The following INTS10 variants were observed in gnomAD, a reference collection of about 807,000 sequenced individuals.
INTS10 encodes the protein integrator complex subunit 10.
A neutral mutation model predicts 94.4 loss-of-function variants in INTS10; 44 were observed. The ratio of observed to expected loss-of-function variants is 0.47; its 90% confidence interval spans 0.37 to 0.60. The LOEUF (loss-of-function observed/expected upper bound fraction) is 0.60. Ranked by LOEUF, INTS10 falls within the 20% of genes least tolerant of loss-of-function variation. INTS10 has a pLI of 0.00. For synonymous variants in INTS10, 341 were observed against 320.7 expected (o/e 1.06, Z -0.68); for missense variants, 797 against 868.7 (o/e 0.92, Z 1.04).
chr8:19,822,449 G>A lies in INTS10; in HGVS notation c.452G>A (p.Gly151Glu). 1 of 1,607,550 alleles carries A rather than the reference G, an allele frequency of 6.2e-7. No homozygotes were observed. The change falls in exon 5 of 17, where the codon GGG becomes GAG. Residue 151 changes from glycine to glutamate, a missense_variant. This residue lies in a region of INTS10 where 734 missense variants were observed against 787.8 expected (regional missense o/e 0.93). Transcript: ENST00000397977. ...ETVVQHGVGL[G>E]EALLEAETIE... ...TTTGTTTTGAAATAGGTTGGCCTTG[G>A]GGAGGCACTATTAGAGGCTGAAACT...
chr8:19,845,526 G>C (rs2068501565), intron 15 of INTS10, 178 bp from the exon 16 acceptor site: 1 of 599,994 alleles, frequency 1.7e-6, no homozygotes, highest in African/African-American at 1.9e-5. Context: ...TGCAGTTAGT[G>C]GGGTAGCAAT....
At chr8:19,840,957 C>A (rs1301691862) in intron 13 of INTS10, among the ~76,000 whole-genome samples, 1 of 152,184 alleles carries the variant, frequency 6.6e-6, no homozygotes, top group Non-Finnish European at 1.5e-5. Flanking sequence ...GGCTGCATGA[C>A]TTTATATACC....
intron 11 of INTS10, 64 bp from the exon 12 acceptor site, chr8:19,833,105 A>AT (rs1402279530): frequency 7.1e-7 from 1 of 1,403,296 alleles, no homozygotes; most frequent in Non-Finnish European, 9.5e-7. Flanking sequence ...CTGGAACGGT[A>AT]TTTTTTAAAT....
chr8:19,824,940 A>G lies in INTS10; in HGVS notation c.974A>G (p.Tyr325Cys). The change falls in exon 8 of 17, where the codon TAT becomes TGT. Residue 325 changes from tyrosine (Y) to cysteine (C), a missense_variant. Coordinates refer to ENST00000397977, the MANE Select transcript of INTS10 (RefSeq NM_018142.4). ...GTCTTCTTTAAGAATGCATTCCAGT[A>G]TGTCAACAGCATACAGCCATCTCTC... The part of the protein sequence containing the change: ...MLVFFKNAFQ[Y>C]VNSIQPSLFQ... The G allele has an allele frequency of 6.2e-7, 1 of 1,614,040 alleles. No homozygotes were observed. The highest frequency in any genetic ancestry group is 1.3e-5 in the African/African-American group (1 of 75,046).
intron 7 of INTS10, 82 bp downstream of exon 7, chr8:19,824,126 G>C: frequency 8.0e-7 from 1 of 1,243,758 alleles, no homozygotes; most frequent in Non-Finnish European, 1.1e-6. Flanking sequence ...TTAAATCTGT[G>C]TAATGCGTAG....
chr8:19,845,114 A>C (rs949362839), intron 15 of INTS10, among the ~76,000 whole-genome samples: 3 of 152,178 alleles, frequency 2.0e-5, no homozygotes, highest in African/African-American at 7.2e-5. Flanking sequence ...TGAGAATCTA[A>C]TGAAAGTTAC....
rs749551370 is a variant in INTS10, at chr8:19,846,176, C to A, written c.1976+379C>A. ...GTGGCTCACGCCTGTAATCTCAACA[C>A]TTTGGGAGGCCAAGGAGGACAGATC... On this transcript the variant is annotated intron_variant, in intron 16 of 16. Transcript: ENST00000397977. The surrounding 1 kb of genome is among the most constrained non-coding windows in gnomAD (Gnocchi z 4.2). 6.6e-6 allele frequency among the ~76,000 whole-genome samples: 1 copy of A among 151,882 alleles called. No homozygotes were observed. The highest frequency in any genetic ancestry group is 1.9e-4 in the East Asian group (1 of 5,162).
At chr8:19,845,458 T>G (rs569478639) in intron 15 of INTS10, 1 of 497,758 alleles carries the variant, frequency 2.0e-6, no homozygotes, top group Non-Finnish European at 3.6e-6. Flanking sequence ...CGAGGGAGTT[T>G]AGTGGGTATA....
chr8:19,837,591 G>C lies in INTS10; in HGVS notation c.1639+431G>C, dbSNP rs149104174. The C allele has an allele frequency of 4.4e-3, 698 of 157,806 alleles. 9 individuals carry two copies. The highest frequency in any genetic ancestry group is 0.015 in the African/African-American group (644 of 41,598). 9.8% of individuals were successfully genotyped at this position (157,806 alleles called of 1,614,324 possible). A position where few individuals can be genotyped will look rare whatever the true frequency, so the allele number is the denominator to read the frequency against. On this transcript the variant is annotated intron_variant, in intron 13 of 16. Coordinates refer to ENST00000397977, the MANE Select transcript of INTS10 (RefSeq NM_018142.4). ...CTTTACAATTCTAGAAAAATGTGTA[G>C]ATGATTAATTAGGAGGTATCTGTCA...
Position 19,851,708 on chromosome 8 carries a change from T to G in INTS10, c.2036T>G (p.Met679Arg). 6.2e-7 allele frequency: 1 copy of G among 1,614,174 alleles called. No individual in the cohort carries two copies. Among genetic ancestry groups the G allele is most frequent in the Non-Finnish European group, 8.5e-7 (1 of 1,179,998 alleles). The change falls in exon 17 of 17, where the codon ATG becomes AGG. Residue 679 changes from methionine to arginine, a missense_variant. Coordinates refer to ENST00000397977, the MANE Select transcript of INTS10 (RefSeq NM_018142.4). The surrounding 1 kb of genome is among the most constrained non-coding windows in gnomAD (Gnocchi z 5.0). Reference sequence around the variant, plus strand: ...GTGAAGGAGGACTTTCGCCTGGCCATGGAGCGCCAGGTCTCCCGCTGTGGA... The same window carrying G: ...GTGAAGGAGGACTTTCGCCTGGCCAGGGAGCGCCAGGTCTCCCGCTGTGGA... ...KGVKEDFRLAMERQVSRCGEN... is the reference protein window; with the variant it reads ...KGVKEDFRLARERQVSRCGEN...
intron 16 of INTS10, among the ~76,000 whole-genome samples, chr8:19,847,188 T>C (rs1023040875): frequency 2.0e-5 from 3 of 152,342 alleles, no homozygotes; most frequent in African/African-American, 7.2e-5. Flanking sequence ...TGGTTTTTTC[T>C]CCTTCATCTT....
intron 1 of INTS10, 172 bp from the exon 2 acceptor site, chr8:19,818,103 G>T: frequency 1.5e-6 from 1 of 663,486 alleles, no homozygotes. Context: ...TGAACCCCAG[G>T]GTCACACTCT....
At chr8:19,823,822 C>G (rs749825719) in intron 6 of INTS10, 51 bp from the exon 7 acceptor site, 1 of 1,422,270 alleles carries the variant, frequency 7.0e-7, no homozygotes, top group African/African-American at 1.4e-5. Context: ...GGTACCATGT[C>G]AACAGTAAGT....
In INTS10 at chr8:19,843,985, C is replaced by T. The variant is rs1220426801; in HGVS notation, c.1720-91C>T. ...GACGTTTATCACACATTTGCATATA[C>T]AGCATATTTTTGGAAAGTGATGTTT... On this transcript the variant is annotated intron_variant, in intron 14 of 16. Transcript: ENST00000397977. This position sits in a 1 kb window ranked among gnomAD's most constrained non-coding sequence, Gnocchi z 4.7. 10 of 978,030 alleles carry T rather than the reference C, an allele frequency of 1.0e-5. No individual in the cohort carries two copies. Among genetic ancestry groups the T allele is most frequent in the Non-Finnish European group, 1.5e-5 (10 of 652,358 alleles). 60.6% of individuals were successfully genotyped at this position (978,030 alleles called of 1,614,324 possible).
At position 19,822,680 on chromosome 8, in the gene INTS10, G is replaced by A. The variant is rs116758157; in HGVS notation, c.523+160G>A. Among the ~76,000 whole-genome samples the A allele has an allele frequency of 6.3e-3, 958 of 151,998 alleles. 10 individuals are homozygous for A. The highest frequency in any genetic ancestry group is 0.02 in the African/African-American group (835 of 41,426). On this transcript the variant is annotated intron_variant, in intron 5 of 16. Coordinates refer to ENST00000397977, the MANE Select transcript of INTS10 (RefSeq NM_018142.4). ...ATTTAGAAGCATTTTAGCTGGGTGC[G>A]GTGGCTCACGCCTGTAATCCTAGCA...
chr8:19,834,661 AT>A (rs1308028798), intron 12 of INTS10, among the ~76,000 whole-genome samples: 10 of 152,156 alleles, frequency 6.6e-5, no homozygotes, highest in Admixed American at 6.5e-4. Context: ...TATTAGGCCT[AT>A]GGGCAGTGTC....
chr8:19,850,503 A>G (rs1202649374), intron 16 of INTS10, among the ~76,000 whole-genome samples: 1 of 151,418 alleles, frequency 6.6e-6, no homozygotes, highest in African/African-American at 2.4e-5. Flanking sequence ...TTTTCTTTTC[A>G]TCTGTTGTTT....
At chr8:19,844,965 A>G (rs2068452628) in intron 15 of INTS10, among the ~76,000 whole-genome samples, 1 of 151,902 alleles carries the variant, frequency 6.6e-6, no homozygotes, top group African/African-American at 2.4e-5. Context: ...TGGTGTGATC[A>G]TAGCTCACTG....
rs146316139 is a variant in INTS10, at chr8:19,840,666, TAAGGA to T, written c.1640-2173_1640-2169del. On this transcript the variant is annotated intron_variant, in intron 13 of 16. Coordinates refer to ENST00000397977, the MANE Select transcript of INTS10 (RefSeq NM_018142.4). The stretch of plus-strand genomic sequence containing the variant: ...CGATGAAGGCATCAAAGTAATTCAA[TAAGGA>T]AAGGAAAGACTTTTCAACCAATGGT... Among the ~76,000 whole-genome samples, 1,333 of 152,152 alleles carry T rather than the reference TAAGGA, an allele frequency of 8.8e-3. 15 individuals carry two copies. Among genetic ancestry groups the T allele is most frequent in the African/African-American group, 0.03 (1,242 of 41,502 alleles).
Sources: allele counts gnomAD v4.1 joint callset (sites outside exome capture counted in the v4.1 genomes callset), GRCh38; gene constraint gnomAD v4.1.1; regional missense constraint gnomAD v4.1.1; non-coding constraint Gnocchi (gnomAD v3.1); transcripts MANE v1.5; gene names NCBI Gene and HGNC (gene_info 2026-07-23, HGNC 2026-07-21).